The following CCDC30 variants were observed in gnomAD, a reference collection of about 807,000 sequenced individuals.
CCDC30 encodes the protein coiled-coil domain containing 30, also known as coiled-coil domain-containing protein 30.
In CCDC30, 70 loss-of-function variants were observed where a neutral mutation model predicts 100.2. That is an observed-to-expected ratio of 0.70 (90% CI 0.58 to 0.85). The LOEUF (loss-of-function observed/expected upper bound fraction) is 0.85, where lower values mean the gene tolerates loss of function less well. CCDC30 is among the 40% of genes least tolerant of loss of function. The probability of loss-of-function intolerance (pLI) is 0.00; values close to 1 mark genes in which losing one functional copy is unlikely to be tolerated. For missense variants in CCDC30, 652 were observed against 771.2 expected (o/e 0.85, Z 1.83); for synonymous variants, 233 against 269.5 (o/e 0.86, Z 1.33).
At chr1:42,562,220 A>G (rs1645503674) in intron 6 of CCDC30, among the ~76,000 whole-genome samples, 1 of 152,238 alleles carries the variant, frequency 6.6e-6, no homozygotes, top group African/African-American at 2.4e-5. Context: ...ACAAGGCTAC[A>G]TTAACCAAAA....
intron 2 of CCDC30, among the ~76,000 whole-genome samples, chr1:42,480,912 G>T (rs893432414): frequency 2.6e-5 from 4 of 152,148 alleles, no homozygotes; most frequent in East Asian, 3.9e-4. Context: ...CTGAGGCCAG[G>T]AGTTCAAGAC....
Position 42,545,595 on chromosome 1 carries a change from C to A in CCDC30, c.457-20701C>A. The stretch of plus-strand genomic sequence containing the variant: ...AGGAACTCTGGTAAATTGGGAAAAT[C>A]CTATATCACATTAATTATTCAGAGA... On this transcript the variant is annotated intron_variant, in intron 6 of 16. Transcript: ENST00000668663. The A allele has an allele frequency of 1.3e-6, 2 of 1,583,404 alleles. No individual in the cohort carries two copies. Among genetic ancestry groups the A allele is most frequent in the Non-Finnish European group, 1.7e-6 (2 of 1,167,266 alleles).
intron 6 of CCDC30, among the ~76,000 whole-genome samples, chr1:42,533,043 C>A (rs1229370924): frequency 6.6e-6 from 1 of 152,248 alleles, no homozygotes; most frequent in Non-Finnish European, 1.5e-5. Context: ...AGGCGTGAGC[C>A]ACCTTGCCCG....
chr1:42,462,989 G>A (rs962734066), upstream of CCDC30, among the ~76,000 whole-genome samples: 3 of 152,146 alleles, frequency 2.0e-5, no homozygotes, highest in African/African-American at 7.2e-5. Context: ...AGTAGGCAGG[G>A]GCTCCAGCTG....
intron 11 of CCDC30, among the ~76,000 whole-genome samples, chr1:42,619,314 G>A (rs1479199187): frequency 6.6e-6 from 1 of 152,178 alleles, no homozygotes; most frequent in African/African-American, 2.4e-5. Context: ...AAATGGAGGA[G>A]CCCTGCAAAA....
intron 6 of CCDC30, among the ~76,000 whole-genome samples, chr1:42,563,974 G>A (rs1645553380): frequency 6.6e-6 from 1 of 151,844 alleles, no homozygotes; most frequent in Non-Finnish European, 1.5e-5. Context: ...AGCATATTGT[G>A]TTTAGATTGC....
chr1:42,457,193 T>C, the CCDC30 span: 3 of 1,610,666 alleles, frequency 1.9e-6, no homozygotes, highest in Non-Finnish European at 2.5e-6. Context: ...GAGAAGGAGC[T>C]GATCCTATAT....
chr1:42,520,985 T>C (rs369072432), intron 6 of CCDC30, among the ~76,000 whole-genome samples: 8 of 149,114 alleles, frequency 5.4e-5, no homozygotes, highest in African/African-American at 2.0e-4. Flanking sequence ...TTTCTTTTTT[T>C]TTTTTTGAGA....
At chr1:42,493,342 C>A (rs572010465) in intron 4 of CCDC30, among the ~76,000 whole-genome samples, 1 of 152,290 alleles carries the variant, frequency 6.6e-6, no homozygotes, top group South Asian at 2.1e-4. Flanking sequence ...GTAATCCCAG[C>A]ACTTTGGGAG....
At chr1:42,599,230 T>C (rs995136531) in intron 10 of CCDC30, among the ~76,000 whole-genome samples, 25 of 152,200 alleles carry the variant, frequency 1.6e-4, no homozygotes, top group Admixed American at 2.6e-4. Flanking sequence ...GATATGCTTA[T>C]GTGTAAGTGA....
chr1:42,656,905 A>G (rs1255241149), downstream of CCDC30, among the ~76,000 whole-genome samples: 1 of 152,202 alleles, frequency 6.6e-6, no homozygotes, highest in African/African-American at 2.4e-5. Context: ...CCTCATCAAC[A>G]TTGGATATTA....
At chr1:42,632,317 T>C (rs2148670785) in intron 11 of CCDC30, among the ~76,000 whole-genome samples, 1 of 152,136 alleles carries the variant, frequency 6.6e-6, no homozygotes, top group East Asian at 1.9e-4. Flanking sequence ...CCTGCTGTGG[T>C]TGAGGTGGGC....
intron 7 of CCDC30, among the ~76,000 whole-genome samples, chr1:42,567,116 C>T (rs1212583397): frequency 6.6e-6 from 1 of 152,178 alleles, no homozygotes; most frequent in Admixed American, 6.5e-5. Context: ...ATTCAATATT[C>T]ATATGCAATC....
At chr1:42,625,003 A>T (rs931095853) in intron 11 of CCDC30, among the ~76,000 whole-genome samples, 2 of 152,058 alleles carry the variant, frequency 1.3e-5, no homozygotes, top group Non-Finnish European at 2.9e-5. Context: ...CAGTGAAGCC[A>T]TTGGGTTCTG....
chr1:42,637,763 G>T (rs977361595), intron 12 of CCDC30, among the ~76,000 whole-genome samples: 1 of 152,180 alleles, frequency 6.6e-6, no homozygotes, highest in Non-Finnish European at 1.5e-5. Context: ...GTGAAAATAG[G>T]TGATCCTTAC....
rs138963370 is a variant in CCDC30, at chr1:42,566,854, G to A, written c.636+379G>A. ...TCTCAACTGCACCAAGGTACAATTC[G>A]TGGGAGAACAAAGTTGTTCTTCCTA... On this transcript the variant is annotated intron_variant, in intron 7 of 16. Coordinates refer to ENST00000668663, the Ensembl canonical transcript of CCDC30. Among the ~76,000 whole-genome samples, 797 of 152,170 alleles carry A rather than the reference G, an allele frequency of 5.2e-3. 7 individuals carry two copies. Among genetic ancestry groups the A allele is most frequent in the African/African-American group, 0.019 (770 of 41,528 alleles).
At chr1:42,532,832 T>C (rs1378171294) in intron 6 of CCDC30, among the ~76,000 whole-genome samples, 1 of 152,210 alleles carries the variant, frequency 6.6e-6, no homozygotes, top group Non-Finnish European at 1.5e-5. Context: ...AGTGGCACCG[T>C]CTGGCTTATT....
intron 3 of CCDC30, among the ~76,000 whole-genome samples, chr1:42,483,402 G>A (rs911336923): frequency 1.3e-5 from 2 of 152,192 alleles, no homozygotes; most frequent in African/African-American, 4.8e-5. Flanking sequence ...TGTGGTAAGA[G>A]CAGAATTACT....
chr1:42,529,946 T>C (rs1644781603), intron 6 of CCDC30, among the ~76,000 whole-genome samples: 1 of 152,240 alleles, frequency 6.6e-6, no homozygotes, highest in African/African-American at 2.4e-5. Context: ...TCATAAGTTT[T>C]AAGTTGTGAA....
Sources: allele counts gnomAD v4.1 joint callset (sites outside exome capture counted in the v4.1 genomes callset), GRCh38; gene constraint gnomAD v4.1.1; transcripts MANE v1.5; gene names NCBI Gene and HGNC (gene_info 2026-07-23, HGNC 2026-07-21).